Variants in CHRM3 observed in about 807,000 individuals in gnomAD.
CHRM3 encodes cholinergic receptor muscarinic 3.
A neutral mutation model predicts 41.8 loss-of-function variants in CHRM3; 11 were observed. The ratio of observed to expected loss-of-function variants is 0.26; its 90% confidence interval spans 0.17 to 0.44. The LOEUF is 0.44. Ranked by LOEUF, CHRM3 falls within the 20% of genes least tolerant of loss-of-function variation. CHRM3 has a pLI of 1.00. For missense variants in CHRM3, 571 were observed against 745.4 expected, an observed-to-expected ratio of 0.77 and a Z score of 2.72; for synonymous variants, 297 against 301.4, an observed-to-expected ratio of 0.99 and a Z score of 0.15.
intron 3 of CHRM3, among the ~76,000 whole-genome samples, chr1:239,589,450 A>T (rs1287872755): frequency 6.6e-6 from 1 of 151,342 alleles, no homozygotes; most frequent in East Asian, 2.0e-4. Flanking sequence ...CATGGAAATT[A>T]CATAAAACTA....
At chr1:239,475,114 GA>G (rs1666381488) in intron 1 of CHRM3, among the ~76,000 whole-genome samples, 1 of 151,906 alleles carries the variant, frequency 6.6e-6, no homozygotes, top group African/African-American at 2.4e-5. Context: ...AAACAATTAG[GA>G]AAATGGAATA....
chr1:239,696,653 A>G (rs777158554), intron 5 of CHRM3, among the ~76,000 whole-genome samples: 2 of 152,226 alleles, frequency 1.3e-5, no homozygotes, highest in Non-Finnish European at 2.9e-5. Context: ...TAAAGTACAC[A>G]GATTCAGTAG....
At chr1:239,600,579 G>A (rs1402270458) in intron 3 of CHRM3, among the ~76,000 whole-genome samples, 2 of 151,944 alleles carry the variant, frequency 1.3e-5, no homozygotes, top group Non-Finnish European at 2.9e-5. Flanking sequence ...AAAATGATGG[G>A]CTACTTTATT....
At chr1:239,723,274 AG>A (rs1261710553) in intron 5 of CHRM3, among the ~76,000 whole-genome samples, 2 of 151,966 alleles carry the variant, frequency 1.3e-5, no homozygotes, top group Non-Finnish European at 2.9e-5. Flanking sequence ...TAATTTCTAT[AG>A]GTATTCTAAG....
At chr1:239,890,692 G>C (rs1397460951) in intron 6 of CHRM3, among the ~76,000 whole-genome samples, 5 of 152,138 alleles carry the variant, frequency 3.3e-5, no homozygotes, top group Non-Finnish European at 4.4e-5. Context: ...ATAGCATGTT[G>C]TATATGCTAT....
At chr1:239,706,550 A>T (rs190646679) in intron 5 of CHRM3, 14 of 152,184 alleles carry the variant, frequency 9.2e-5, no homozygotes, top group African/African-American at 2.9e-4. Context: ...TCCCCCACAC[A>T]GGTGTGTATG....
rs1237366705 is a variant in CHRM3 at position 239,387,236 on chromosome 1, G to C, written c.-521+9G>C. 1 of 152,042 alleles carries C rather than the reference G, an allele frequency of 6.6e-6. No individual in the cohort carries two copies. Among genetic ancestry groups the C allele is most frequent in the Non-Finnish European group, 1.5e-5 (1 of 68,010 alleles). 9.4% of individuals were successfully genotyped at this position (152,042 alleles called of 1,614,324 possible). On this transcript the variant is annotated intron_variant, in intron 1 of 6. Coordinates refer to ENST00000676153, the MANE Select transcript of CHRM3 (RefSeq NM_001375978.1). The surrounding 1 kb of genome is among the most constrained non-coding windows in gnomAD (Gnocchi z 5.1). ...TGGAGCGCAGCTGCCAGGTAGGGAC[G>C]GCGCCCGCCACCCAGGCGCTGGGCA...
intron 1 of CHRM3, among the ~76,000 whole-genome samples, chr1:239,481,097 G>C (rs1013860969): frequency 6.6e-6 from 1 of 152,194 alleles, no homozygotes; most frequent in Non-Finnish European, 1.5e-5. Flanking sequence ...CTGTTAAATA[G>C]AATGGGGTAC....
At chr1:239,646,887 G>A (rs1671785343) in intron 4 of CHRM3, among the ~76,000 whole-genome samples, 1 of 152,096 alleles carries the variant, frequency 6.6e-6, no homozygotes, top group East Asian at 1.9e-4. Flanking sequence ...ACTGAAGGTG[G>A]GGAAATGCAT....
chr1:239,490,914 T>C (rs990808263), intron 1 of CHRM3, among the ~76,000 whole-genome samples: 10 of 152,054 alleles, frequency 6.6e-5, no homozygotes, highest in Admixed American at 2.6e-4. Context: ...CTAATTATTA[T>C]ATTTTTTGTT....
At chr1:239,729,495 T>A (rs1176057142) in intron 5 of CHRM3, among the ~76,000 whole-genome samples, 2 of 151,942 alleles carry the variant, frequency 1.3e-5, no homozygotes, top group Non-Finnish European at 2.9e-5. Flanking sequence ...AAGTGAGCTG[T>A]CACTACAAGG....
intron 1 of CHRM3, among the ~76,000 whole-genome samples, chr1:239,397,564 T>C (rs1044701114): frequency 1.7e-4 from 26 of 151,568 alleles, no homozygotes; most frequent in African/African-American, 5.1e-4. Flanking sequence ...CCCAGCTACT[T>C]GGGAGGCTGA....
intron 5 of CHRM3, among the ~76,000 whole-genome samples, chr1:239,680,123 A>T (rs1287906514): frequency 6.6e-6 from 1 of 150,874 alleles, no homozygotes; most frequent in Non-Finnish European, 1.5e-5. Context: ...TCATCTCACC[A>T]CTCTTCTCTG....
At chr1:239,782,422 A>G (rs1339492022) in intron 5 of CHRM3, among the ~76,000 whole-genome samples, 1 of 152,090 alleles carries the variant, frequency 6.6e-6, no homozygotes, top group East Asian at 1.9e-4. Flanking sequence ...TTCCTTTATC[A>G]TCCTTGTAAA....
At chr1:239,395,038 G>A (rs1380259087) in intron 1 of CHRM3, among the ~76,000 whole-genome samples, 3 of 152,052 alleles carry the variant, frequency 2.0e-5, no homozygotes, top group Non-Finnish European at 2.9e-5. Context: ...GTCATAAAAC[G>A]GGTAGCCCTT....
chr1:239,693,236 A>T (rs1320592355), intron 5 of CHRM3, among the ~76,000 whole-genome samples: 2 of 152,180 alleles, frequency 1.3e-5, no homozygotes, highest in Non-Finnish European at 2.9e-5. Flanking sequence ...TCTTCAGAGT[A>T]TCATGGTCTG....
chr1:239,877,953 C>T (rs1677252330), intron 6 of CHRM3, among the ~76,000 whole-genome samples: 1 of 150,186 alleles, frequency 6.7e-6, no homozygotes, highest in Non-Finnish European at 1.5e-5. Context: ...TGCAGTGGTG[C>T]GATCTCAGCT....
chr1:239,543,750 C>T (rs1659017666), intron 2 of CHRM3, among the ~76,000 whole-genome samples: 1 of 152,036 alleles, frequency 6.6e-6, no homozygotes, highest in South Asian at 2.1e-4. Flanking sequence ...TCTCATGATC[C>T]GCCCACCTCG....
intron 1 of CHRM3, among the ~76,000 whole-genome samples, chr1:239,446,147 G>A (rs1316436570): frequency 6.6e-6 from 1 of 152,158 alleles, no homozygotes; most frequent in Non-Finnish European, 1.5e-5. Flanking sequence ...ATGTTGGCCA[G>A]GATGGTCTTG....
Sources: gnomAD v4.1 joint callset for allele counts (sites outside exome capture counted in the v4.1 genomes callset) on GRCh38, gnomAD v4.1.1 for gene constraint, Gnocchi (gnomAD v3.1) non-coding constraint, MANE v1.5 for transcripts, NCBI Gene and HGNC (gene_info 2026-07-23, HGNC 2026-07-21) for gene names.